Variants in TLE3 observed in about 807,000 individuals in gnomAD.
TLE3 encodes TLE family member 3, transcriptional corepressor, also known as transducin-like enhancer protein 3.
A neutral mutation model predicts 93.0 loss-of-function variants in TLE3; 14 were observed. That is an observed-to-expected ratio of 0.15 (90% confidence interval 0.10 to 0.24). The LOEUF is 0.24. TLE3 is among the 10% of genes least tolerant of loss of function. TLE3 has a pLI of 1.00. For synonymous variants in TLE3, 451 were observed against 425.0 expected, an observed-to-expected ratio of 1.06 and a Z score of -0.75; for missense variants, 693 against 1,046.6, an observed-to-expected ratio of 0.66 and a Z score of 4.66.
chr15:70,094,782 T>C (rs978960999), intron 3 of TLE3: 18 of 557,696 alleles, frequency 3.2e-5, no homozygotes, highest in African/African-American at 3.0e-4. Flanking sequence ...CAGAACGTTA[T>C]ATTATGTGGT....
chr15:70,071,606 C>A (rs1041625293), intron 6 of TLE3, among the ~76,000 whole-genome samples: 2 of 152,182 alleles, frequency 1.3e-5, no homozygotes, highest in Non-Finnish European at 2.9e-5. Context: ...ATCCAATGAG[C>A]AAGAGAGCCA....
intron 6 of TLE3, among the ~76,000 whole-genome samples, chr15:70,071,860 G>A (rs962323886): frequency 3.9e-5 from 6 of 152,108 alleles, no homozygotes; most frequent in Non-Finnish European, 5.9e-5. Context: ...TCTGCACCCC[G>A]TTATCCTTCT....
At chr15:70,056,621 G>A (rs2056057377) in intron 13 of TLE3, among the ~76,000 whole-genome samples, 1 of 152,208 alleles carries the variant, frequency 6.6e-6, no homozygotes, top group African/African-American at 2.4e-5. Context: ...GCAAGGCAGA[G>A]CTGGCCCTGC....
intron 4 of TLE3, 103 bp from the exon 5 acceptor site, chr15:70,076,261 C>T: frequency 3.0e-6 from 3 of 988,082 alleles, no homozygotes; most frequent in Non-Finnish European, 4.8e-6. Flanking sequence ...CACAGCCCCT[C>T]TCCACGGGGC....
At chr15:70,092,007 G>C (rs1478669282) in intron 4 of TLE3, among the ~76,000 whole-genome samples, 1 of 129,006 alleles carries the variant, frequency 7.8e-6, no homozygotes, top group African/African-American at 3.0e-5. Flanking sequence ...AATCCAGCCT[G>C]TTTGTTCCAG....
chr15:70,050,969 C>A (rs184977340), intron 19 of TLE3: 304 of 164,862 alleles, frequency 1.8e-3, no homozygotes, highest in African/African-American at 7.0e-3. Flanking sequence ...CATGTCCCTG[C>A]TGGTGCTGAA....
chr15:70,096,655 G>A, intron 1 of TLE3, 120 bp downstream of exon 1: 1 of 1,552,712 alleles, frequency 6.4e-7, no homozygotes, highest in Non-Finnish European at 8.7e-7. Context: ...TTGTGTGAGA[G>A]CACACACACA....
In TLE3 at chr15:70,057,531, T is replaced by C; in HGVS notation, c.1179A>G (p.Pro393=). Reference sequence around the variant, plus strand: ...CAGCGGCGGCGGCGCTCATCTGGGGTGGGATGTTGTGGAGGCCGGCGTAGG... The same window carrying C: ...CAGCGGCGGCGGCGCTCATCTGGGGCGGGATGTTGTGGAGGCCGGCGTAGG... ...PGAYAGLHNI[P]PQMSAAAAAA... Residue 393 remains proline, a synonymous_variant, in exon 13 of 20, where the codon CCA becomes CCG. Transcript: ENST00000451782. 1.2e-6 allele frequency: 2 copies of C among 1,600,110 alleles called. No homozygotes were observed. Among genetic ancestry groups the C allele is most frequent in the African/African-American group, 1.3e-5 (1 of 74,610 alleles).
At position 70,048,205 on chromosome 15, in the gene TLE3, A is replaced by T. The variant is rs1445275877; in HGVS notation, c.*1892T>A. On this transcript the variant is annotated 3_prime_UTR_variant, in exon 20 of 20. Coordinates refer to ENST00000451782, the MANE Select transcript of TLE3 (RefSeq NM_001105192.3). ...CAATTAAGACGCAACAATCAAACCA[A>T]CCTTTAAATAGTAACTTTTAAAAAT... is the stretch of plus-strand genomic sequence containing the variant. The T allele has an allele frequency of 6.6e-6, 1 of 152,214 alleles. No individual in the cohort carries two copies. Among genetic ancestry groups the T allele is most frequent in the Non-Finnish European group, 1.5e-5 (1 of 68,048 alleles). 9.4% of individuals were successfully genotyped at this position (152,214 alleles called of 1,614,324 possible).
chr15:70,090,574 G>A (rs1274909204), intron 4 of TLE3, among the ~76,000 whole-genome samples: 1 of 152,154 alleles, frequency 6.6e-6, no homozygotes, highest in East Asian at 1.9e-4. Flanking sequence ...TCTTCCAGGT[G>A]AGCCCCTTAT....
chr15:70,066,452 C>T (rs2056823810), intron 6 of TLE3, among the ~76,000 whole-genome samples: 1 of 151,712 alleles, frequency 6.6e-6, no homozygotes, highest in Non-Finnish European at 1.5e-5. Flanking sequence ...CAAGCACCCC[C>T]CAACTCCCTG....
At chr15:70,075,960 G>C in intron 5 of TLE3, 136 bp downstream of exon 5, 1 of 766,396 alleles carries the variant, frequency 1.3e-6, no homozygotes, top group Non-Finnish European at 2.2e-6. Context: ...GAAATCTCCA[G>C]GTTGTCAGCT....
chr15:70,073,983 G>A (rs913761184), intron 6 of TLE3, among the ~76,000 whole-genome samples: 1 of 152,270 alleles, frequency 6.6e-6, no homozygotes, highest in Non-Finnish European at 1.5e-5. Context: ...ACCAGTCTCA[G>A]CTCCCCAGCT....
In TLE3 at chr15:70,059,463, G is replaced by A. The variant is rs1197814436; in HGVS notation, c.715-3C>T. On this transcript the variant is annotated splice_polypyrimidine_tract_variant and splice_region_variant and intron_variant, in intron 9 of 19. Coordinates refer to ENST00000451782, the MANE Select transcript of TLE3 (RefSeq NM_001105192.3). ...TCACTCTTGTCTCCATCACTGTCCT[G>A]CAACCAAGAGAGAAGCCAACTGGTC... The A allele has an allele frequency of 6.2e-7, 1 of 1,607,588 alleles. No homozygotes were observed. The highest frequency in any genetic ancestry group is 2.2e-5 in the East Asian group (1 of 44,678).
At chr15:70,053,607 G>C (rs183463980) in intron 16 of TLE3, 46 of 406,440 alleles carry the variant, frequency 1.1e-4, no homozygotes, top group Middle Eastern at 1.3e-3. Context: ...TGGGAAATGG[G>C]GGGGGGAGGT....
chr15:70,066,282 A>G, intron 6 of TLE3, 64 bp from the exon 7 acceptor site: 5 of 1,340,330 alleles, frequency 3.7e-6, no homozygotes, highest in Non-Finnish European at 4.9e-6. Context: ...TGGCCACCTC[A>G]GGAGGGAGGG....
At chr15:70,057,124 C>T (rs932629630) in intron 13 of TLE3, among the ~76,000 whole-genome samples, 3 of 152,228 alleles carry the variant, frequency 2.0e-5, no homozygotes, top group African/African-American at 7.2e-5. Context: ...GACCCCTGCT[C>T]CATGGACATC....
intron 6 of TLE3, among the ~76,000 whole-genome samples, chr15:70,068,696 C>G (rs560987959): frequency 1.8e-4 from 27 of 152,316 alleles, no homozygotes; most frequent in African/African-American, 6.5e-4. Context: ...AAAATGTGCA[C>G]TGAACATTTG....
intron 4 of TLE3, among the ~76,000 whole-genome samples, chr15:70,084,510 G>A (rs190616525): frequency 6.6e-6 from 1 of 152,326 alleles, no homozygotes; most frequent in East Asian, 1.9e-4. Flanking sequence ...CCCAGCACTG[G>A]AACTGATGCC....
Sources: gnomAD v4.1 joint callset for allele counts (sites outside exome capture counted in the v4.1 genomes callset) on GRCh38, gnomAD v4.1.1 for gene constraint, MANE v1.5 for transcripts, NCBI Gene and HGNC (gene_info 2026-07-23, HGNC 2026-07-21) for gene names.